CENPU: variants seen among roughly 807,000 people sequenced by gnomAD.
The protein encoded by CENPU is centromere protein U, also known as KSHV latent nuclear antigen interacting protein 1.
CENPU carries 46 observed loss-of-function variants against 56.7 expected under a neutral mutation model. The ratio of observed to expected loss-of-function variants is 0.81; its 90% confidence interval spans 0.64 to 1.04. The LOEUF (loss-of-function observed/expected upper bound fraction) is 1.04. Among genes scored for constraint, CENPU ranks in the 50% least tolerant of loss-of-function variants. The pLI is 0.00. For synonymous variants in CENPU, 166 were observed against 163.0 expected (o/e 1.02, Z -0.14); for missense variants, 510 against 490.1 (o/e 1.04, Z -0.38).
At chr4:184,711,395 C>T (rs1760920250) in intron 7 of CENPU, among the ~76,000 whole-genome samples, 1 of 152,068 alleles carries the variant, frequency 6.6e-6, no homozygotes, top group Non-Finnish European at 1.5e-5. Flanking sequence ...TATCCATCAC[C>T]TCATACATTT....
At chr4:184,709,675 T>G (rs1011707610) in intron 8 of CENPU, among the ~76,000 whole-genome samples, 1 of 151,416 alleles carries the variant, frequency 6.6e-6, no homozygotes, top group African/African-American at 2.4e-5. Flanking sequence ...ACAGCACAAA[T>G]GAATAGAAGT....
chr4:184,724,505 AAATCTC>A (rs1485244340), intron 4 of CENPU, among the ~76,000 whole-genome samples: 6 of 152,202 alleles, frequency 3.9e-5, no homozygotes, highest in African/African-American at 1.2e-4. Flanking sequence ...AGCTTCACAT[AAATCTC>A]AAAGACTCAA....
rs747904201 is a variant in CENPU at position 184,700,864 on chromosome 4, T to A, written c.942A>T (p.Glu314Asp). 1.2e-6 allele frequency: 2 copies of A among 1,613,562 alleles called. No individual in the cohort carries two copies. Among genetic ancestry groups the A allele is most frequent in the Admixed American group, 3.3e-5 (2 of 60,020 alleles). Residue 314 changes from glutamate (E) to aspartate (D), a missense_variant, in exon 11 of 13, where the codon GAA becomes GAT. Physicochemically the swap from Glu to Asp is conservative, Grantham distance 45. Coordinates refer to ENST00000281453, the MANE Select transcript of CENPU (RefSeq NM_024629.4). ...CTTCAATCATACGCTGCCTTTTCTT[T>A]TCGATATCTGAAATCATCTAAGTAA... ...RKNAKMISDI[E>D]KKRQRMIEVQ...
At chr4:184,719,807 C>T (rs899728723) in intron 4 of CENPU, among the ~76,000 whole-genome samples, 6 of 152,152 alleles carry the variant, frequency 3.9e-5, no homozygotes, top group African/African-American at 1.2e-4. Flanking sequence ...ACGAGCTCAG[C>T]CACAGTAGCA....
chr4:184,694,679 A>ATGCTGAATTAGCTGAAGC lies in CENPU; in HGVS notation c.*591_*608dup. On this transcript the variant is annotated 3_prime_UTR_variant, in exon 13 of 13. Transcript: ENST00000281453. ...GCTTATTTTTTAGAAGCTACTGAAG[A>ATGCTGAATTAGCTGAAGC]TGCTGAATTAGCTGAAGCTGCAGAG... is the stretch of plus-strand genomic sequence containing the variant. 6.2e-7 allele frequency: 1 copy of ATGCTGAATTAGCTGAAGC among 1,614,156 alleles called. No individual in the cohort carries two copies. The highest frequency in any genetic ancestry group is 8.5e-7 in the Non-Finnish European group (1 of 1,179,976).
intron 2 of CENPU, among the ~76,000 whole-genome samples, chr4:184,729,620 G>A (rs1275992464): frequency 2.0e-5 from 3 of 152,202 alleles, no homozygotes; most frequent in South Asian, 4.1e-4. Flanking sequence ...CAGGTGGCAG[G>A]CTAGATTTGG....
intron 4 of CENPU, among the ~76,000 whole-genome samples, chr4:184,723,841 C>CAAAAAA (rs11299367): frequency 5.1e-5 from 3 of 58,466 alleles, no homozygotes; most frequent in African/African-American, 1.5e-4. Context: ...GACTCCATCT[C>CAAAAAA]AAAAAAAAAA....
At chr4:184,701,415 C>T (rs1000138160) in intron 10 of CENPU, among the ~76,000 whole-genome samples, 2 of 152,184 alleles carry the variant, frequency 1.3e-5, no homozygotes, top group African/African-American at 4.8e-5. Flanking sequence ...AGCTTGCAAT[C>T]ACTGGAAGGA....
At chr4:184,702,763 C>T (rs66462315) in intron 8 of CENPU, among the ~76,000 whole-genome samples, 27,091 of 152,008 alleles carry the variant, frequency 0.18, 2,719 homozygotes, top group African/African-American at 0.26. Flanking sequence ...CTATTGTTGC[C>T]ATCTTTATGT....
Position 184,734,054 on chromosome 4 carries a change from C to T in CENPU, c.9G>A (p.Pro3=), listed in dbSNP as rs1307045026. The stretch of plus-strand genomic sequence containing the variant: ...GAGGCCGCGGCCGCCGCCGCCCCCG[C>T]GGGGCCATGGTGCCGCTCTCCGCTC... MA[P]RGRRRPRPHR... The change falls in exon 1 of 13, where the codon CCG becomes CCA. Residue 3 remains proline (P), a synonymous_variant. Coordinates refer to ENST00000281453, the MANE Select transcript of CENPU (RefSeq NM_024629.4). The T allele has an allele frequency of 3.2e-6, 5 of 1,566,002 alleles. No homozygotes were observed. The highest frequency in any genetic ancestry group is 4.3e-6 in the Non-Finnish European group (5 of 1,157,404).
In CENPU at chr4:184,695,097, G is replaced by A. The variant is rs1760207823; in HGVS notation, c.*191C>T. On this transcript the variant is annotated 3_prime_UTR_variant, in exon 13 of 13. Transcript: ENST00000281453. ...GATATTAACCAGAAAAGATGATTATGGCCTTTAAAACTATTGGACAAACTG... is the reference window on the plus strand; with the variant it reads ...GATATTAACCAGAAAAGATGATTATAGCCTTTAAAACTATTGGACAAACTG... 1.8e-6 allele frequency: 1 copy of A among 549,940 alleles called. No individual in the cohort carries two copies. The highest frequency in any genetic ancestry group is 3.2e-6 in the Non-Finnish European group (1 of 309,130). 34.1% of individuals were successfully genotyped at this position (549,940 alleles called of 1,614,324 possible). A position where few individuals can be genotyped will look rare whatever the true frequency, so the allele number is the denominator to read the frequency against.
At chr4:184,696,033 C>G (rs558722108) in intron 12 of CENPU, among the ~76,000 whole-genome samples, 1 of 152,258 alleles carries the variant, frequency 6.6e-6, no homozygotes, top group South Asian at 2.1e-4. Flanking sequence ...CAAAGTCAAA[C>G]TTCCAGTTGC....
chr4:184,731,676 G>C (rs7680779), intron 1 of CENPU, among the ~76,000 whole-genome samples: 120,352 of 152,090 alleles, frequency 0.79, 48,453 homozygotes, highest in East Asian at 1. Context: ...AAGGGTACGG[G>C]GGGGATACTC....
At chr4:184,731,051 A>T in intron 1 of CENPU, 83 bp from the exon 2 acceptor site, 1 of 850,762 alleles carries the variant, frequency 1.2e-6, no homozygotes, top group Non-Finnish European at 1.7e-6. Context: ...CTTTCCGCGC[A>T]TTTTTACCAA....
rs1491100516 is a variant in CENPU, at chr4:184,731,881, C to CTGTGTGTGTGTGTG, written c.48-914_48-913insCACACACACACACA. ...CTTCTGTATGCCCTTTACTCATGTG[C>CTGTGTGTGTGTGTG]TCTGTGTGTGTGTGTGTGTGTGTGT... On this transcript the variant is annotated intron_variant, in intron 1 of 12. Coordinates refer to ENST00000281453, the MANE Select transcript of CENPU (RefSeq NM_024629.4). Among the ~76,000 whole-genome samples, 28 of 25,598 alleles carry CTGTGTGTGTGTGTG rather than the reference C, an allele frequency of 1.1e-3. 1 individual carries two copies. Among genetic ancestry groups the CTGTGTGTGTGTGTG allele is most frequent in the Middle Eastern group, 0.019 (1 of 52 alleles). 16.8% of individuals were successfully genotyped at this position (25,598 alleles called of 152,430 possible). A position where few individuals can be genotyped will look rare whatever the true frequency, so the allele number is the denominator to read the frequency against.
Position 184,695,069 on chromosome 4 carries a change from CAA to C in CENPU, c.*217_*218del. The C allele has an allele frequency of 1.9e-6, 1 of 528,278 alleles. No individual in the cohort carries two copies. Among genetic ancestry groups the C allele is most frequent in the Admixed American group, 3.3e-5 (1 of 30,286 alleles). 32.7% of individuals were successfully genotyped at this position (528,278 alleles called of 1,614,324 possible). ...AAGGTGTCAACATTTTAAAATTACT[CAA>C]GATATTAACCAGAAAAGATGATTAT... is the stretch of plus-strand genomic sequence containing the variant. On this transcript the variant is annotated 3_prime_UTR_variant, in exon 13 of 13. Transcript: ENST00000281453.
Position 184,695,286 on chromosome 4 carries a change from T to C in CENPU, c.*2A>G. 6.2e-7 allele frequency: 1 copy of C among 1,606,186 alleles called. No homozygotes were observed. Among genetic ancestry groups the C allele is most frequent in the Admixed American group, 1.7e-5 (1 of 59,972 alleles). On this transcript the variant is annotated 3_prime_UTR_variant, in exon 13 of 13. Coordinates refer to ENST00000281453, the MANE Select transcript of CENPU (RefSeq NM_024629.4). ...TAGGCACATTTTAGTAGACTGCTCT[T>C]CTCATCCCTGGTCAAGGAGCTTCTC...
chr4:184,729,082 C>T, intron 2 of CENPU, 47 bp from the exon 3 acceptor site: 14 of 1,375,068 alleles, frequency 1.0e-5, no homozygotes, highest in Non-Finnish European at 1.4e-5. Flanking sequence ...TCACAAAGAA[C>T]AATAGGTTGA....
chr4:184,709,478 TC>T (rs1446990848), intron 8 of CENPU, among the ~76,000 whole-genome samples: 6 of 142,774 alleles, frequency 4.2e-5, no homozygotes, highest in African/African-American at 8.3e-5. Flanking sequence ...AGAGAGAGAC[TC>T]CATCTCAAAA....
Sources: allele counts gnomAD v4.1 joint callset (sites outside exome capture counted in the v4.1 genomes callset), GRCh38; gene constraint gnomAD v4.1.1; transcripts MANE v1.5; gene names NCBI Gene and HGNC (gene_info 2026-07-23, HGNC 2026-07-21).